The following UNC13C variants were observed in gnomAD, a reference collection of about 807,000 sequenced individuals.
UNC13C encodes the protein protein unc-13 homolog C.
A neutral mutation model predicts 245.4 loss-of-function variants in UNC13C; 174 were observed. That is an observed-to-expected ratio of 0.71 (90% CI 0.63 to 0.80). The LOEUF is 0.80. Among genes scored for constraint, UNC13C ranks in the 30% least tolerant of loss-of-function variants. UNC13C has a pLI of 0.00. For missense variants in UNC13C, 2,829 were observed against 2,602.9 expected (o/e 1.09, Z -1.89); for synonymous variants, 992 against 895.1 (o/e 1.11, Z -1.93).
At chr15:54,321,120 A>G (rs893424357) in intron 13 of UNC13C, 2 of 515,248 alleles carry the variant, frequency 3.9e-6, no homozygotes, top group Non-Finnish European at 7.7e-6. Context: ...TGGGTGAGGC[A>G]CTAGCCATCT....
In UNC13C at chr15:54,484,491, T is replaced by C. The variant is rs189431245; in HGVS notation, c.4934-10117T>C. On this transcript the variant is annotated intron_variant, in intron 19 of 32. Transcript: ENST00000260323. ...AAATGGCATACAGAGAAAGGAAATT[T>C]AGACTTATTAAACAAATACATTATC... Among the ~76,000 whole-genome samples, 27 of 152,314 alleles carry C rather than the reference T, an allele frequency of 1.8e-4. 1 individual carries two copies. Among genetic ancestry groups the C allele is most frequent in the Admixed American group, 1.0e-3 (16 of 15,284 alleles).
intron 18 of UNC13C, 88 bp downstream of exon 18, chr15:54,393,269 A>G: frequency 9.2e-7 from 1 of 1,087,656 alleles, no homozygotes; most frequent in Non-Finnish European, 1.2e-6. Flanking sequence ...ACTGACGACA[A>G]TAATAAACTT....
At chr15:54,197,428 A>C (rs1285613779) in intron 4 of UNC13C, among the ~76,000 whole-genome samples, 1 of 151,954 alleles carries the variant, frequency 6.6e-6, no homozygotes, top group Admixed American at 6.6e-5. Flanking sequence ...ACACCACTGC[A>C]CTACAGCCTG....
chr15:54,050,829 C>T (rs917382409), intron 2 of UNC13C: 29 of 584,898 alleles, frequency 5.0e-5, no homozygotes, highest in Non-Finnish European at 9.4e-5. Context: ...ACACAGCTTA[C>T]TAATTCTTGA....
intron 4 of UNC13C, among the ~76,000 whole-genome samples, chr15:54,202,081 TTAAA>T (rs2034541996): frequency 1.3e-5 from 2 of 150,368 alleles, no homozygotes; most frequent in Admixed American, 6.6e-5. Flanking sequence ...CAAAAAAAAA[TTAAA>T]TAAATTGTTA....
intron 2 of UNC13C, among the ~76,000 whole-genome samples, chr15:54,042,363 G>A (rs549576688): frequency 2.0e-5 from 3 of 152,202 alleles, no homozygotes; most frequent in East Asian, 3.9e-4. Context: ...CTTTTCAACC[G>A]GAACACACCT....
chr15:54,494,761 C>T (rs565067714), intron 20 of UNC13C, 27 bp downstream of exon 20: 1 of 1,599,794 alleles, frequency 6.3e-7, no homozygotes, highest in Non-Finnish European at 8.5e-7. Flanking sequence ...ACACACACAC[C>T]CTCAGATCTA....
chr15:54,172,488 G>A lies in UNC13C; in HGVS notation c.3071+28804G>A, dbSNP rs189386873. On this transcript the variant is annotated intron_variant, in intron 4 of 32. Transcript: ENST00000260323. ...TCTAGCTCCTTTAGCTCAGCATAAC[G>A]TGGTTGAATGTATTAGTAATTTGTG... is the stretch of plus-strand genomic sequence containing the variant. Among the ~76,000 whole-genome samples the A allele has an allele frequency of 3.5e-3, 526 of 151,374 alleles. 5 individuals are homozygous for A. Among genetic ancestry groups the A allele is most frequent in the African/African-American group, 0.012 (507 of 41,352 alleles).
intron 4 of UNC13C, among the ~76,000 whole-genome samples, chr15:54,202,173 C>T (rs191159622): frequency 1.6e-4 from 24 of 152,010 alleles, no homozygotes; most frequent in Non-Finnish European, 3.4e-4. Context: ...CCTTAGATGA[C>T]ACCAACAAAT....
Position 54,293,874 on chromosome 15 carries a change from CTT to C in UNC13C, c.3819-20_3819-19del. ...TAGAGCAGTTTTCAATTGTTGTTAA[CTT>C]ATCCACATTTATTTTCAGTGAGTGT... On this transcript the variant is annotated intron_variant, in intron 10 of 32. Transcript: ENST00000260323. 1.3e-6 allele frequency: 2 copies of C among 1,510,798 alleles called. No individual in the cohort carries two copies. The highest frequency in any genetic ancestry group is 1.8e-4 in the Middle Eastern group (1 of 5,620). The allele number at this position is 1,510,798 out of a possible 1,614,324, so 93.6% of individuals were successfully genotyped here.
the UNC13C span, among the ~76,000 whole-genome samples, chr15:53,899,600 T>A: frequency 6.6e-6 from 1 of 152,150 alleles, no homozygotes; most frequent in East Asian, 1.9e-4. Context: ...ACTTTTTTTT[T>A]AGACGGAGTT....
At chr15:54,450,377 T>C (rs1468724235) in intron 19 of UNC13C, among the ~76,000 whole-genome samples, 2 of 152,242 alleles carry the variant, frequency 1.3e-5, no homozygotes, top group Admixed American at 1.3e-4. Flanking sequence ...AGGTGGAGTC[T>C]ACAGAGGCCG....
intron 25 of UNC13C, among the ~76,000 whole-genome samples, chr15:54,529,840 C>T (rs895292756): frequency 3.9e-5 from 6 of 152,104 alleles, no homozygotes; most frequent in African/African-American, 1.2e-4. Flanking sequence ...TCTTCATTCT[C>T]CTAAGTAGTT....
intron 2 of UNC13C, chr15:54,049,898 T>C: frequency 4.3e-6 from 1 of 230,152 alleles, no homozygotes. Context: ...CAGATAAGAT[T>C]ATTGACTGAG....
At chr15:54,380,319 T>G (rs1212258422) in intron 17 of UNC13C, among the ~76,000 whole-genome samples, 1 of 152,202 alleles carries the variant, frequency 6.6e-6, no homozygotes, top group African/African-American at 2.4e-5. Flanking sequence ...TCTTTAACAC[T>G]ACATAGGATT....
chr15:54,235,861 T>C (rs1240630297), intron 5 of UNC13C, among the ~76,000 whole-genome samples: 3 of 152,034 alleles, frequency 2.0e-5, no homozygotes, highest in South Asian at 4.1e-4. Flanking sequence ...AAAATAAAAA[T>C]AAAAATAATA....
chr15:53,891,079 G>T, the UNC13C span, among the ~76,000 whole-genome samples: 1 of 152,050 alleles, frequency 6.6e-6, no homozygotes, highest in Non-Finnish European at 1.5e-5. Flanking sequence ...GTTCCCATTG[G>T]TTTCAAGGAA....
At chr15:54,204,827 C>A (rs761958148) in intron 4 of UNC13C, among the ~76,000 whole-genome samples, 8 of 151,748 alleles carry the variant, frequency 5.3e-5, no homozygotes, top group Non-Finnish European at 1.2e-4. Context: ...TTGGGAAAGT[C>A]GACAGTATTG....
At chr15:54,194,271 G>A (rs1030885969) in intron 4 of UNC13C, among the ~76,000 whole-genome samples, 2 of 152,048 alleles carry the variant, frequency 1.3e-5, no homozygotes, top group Non-Finnish European at 2.9e-5. Flanking sequence ...AGGTTCTTAG[G>A]CAAATGCTGT....
Sources: gnomAD v4.1 joint callset for allele counts (sites outside exome capture counted in the v4.1 genomes callset) on GRCh38, gnomAD v4.1.1 for gene constraint, MANE v1.5 for transcripts, NCBI Gene and HGNC (gene_info 2026-07-23, HGNC 2026-07-21) for gene names.